ABCC4: variants seen among roughly 807,000 people sequenced by gnomAD.
The protein encoded by ABCC4 is ATP binding cassette subfamily C member 4 (PEL blood group).
A neutral mutation model predicts 168.5 loss-of-function variants in ABCC4; 102 were observed. That is an observed-to-expected ratio of 0.61 (90% CI 0.52 to 0.71). The LOEUF is 0.71. Ranked by LOEUF, ABCC4 falls within the 30% of genes least tolerant of loss-of-function variation. ABCC4 has a pLI of 0.00. For synonymous variants in ABCC4, 617 were observed against 590.7 expected, an observed-to-expected ratio of 1.04 and a Z score of -0.65; for missense variants, 1,402 against 1,605.8, an observed-to-expected ratio of 0.87 and a Z score of 2.17.
chr13:95,142,509 A>G (rs552112769), intron 19 of ABCC4, among the ~76,000 whole-genome samples: 3 of 152,282 alleles, frequency 2.0e-5, no homozygotes, highest in African/African-American at 7.2e-5. Context: ...GGGTGCACCA[A>G]AATCTCACAA....
chr13:95,166,367 C>A lies in ABCC4; in HGVS notation c.1825G>T (p.Gly609Cys). Residue 609 changes from glycine (G) to cysteine (C), a missense_variant and splice_region_variant, in exon 15 of 31, where the codon GGT becomes TGT. By Grantham distance (159) the Gly-to-Cys change is radical. This residue lies in a region of ABCC4 where 1,007 missense variants were observed against 1,127.3 expected (regional missense o/e 0.89). Transcript: ENST00000645237. ...TAAGTCCCCTTCTGCACCATTTTAC[C>A]CTAAAATAAAAATAAAGAATTTCAG... is the stretch of plus-strand genomic sequence containing the variant. ...AASQILILKDGKMVQKGTYTE... is the reference protein window; with the variant it reads ...AASQILILKDCKMVQKGTYTE... 1 of 1,609,406 alleles carries A rather than the reference C, an allele frequency of 6.2e-7. No homozygotes were observed. The highest frequency in any genetic ancestry group is 8.5e-7 in the Non-Finnish European group (1 of 1,178,402).
At chr13:95,117,372 C>T (rs192302894) in intron 19 of ABCC4, among the ~76,000 whole-genome samples, 411 of 152,236 alleles carry the variant, frequency 2.7e-3, no homozygotes, top group Middle Eastern at 0.021. Flanking sequence ...AGCATGCCAC[C>T]GGGGAGGAAG....
chr13:95,202,271 C>T (rs2038648180), intron 8 of ABCC4, among the ~76,000 whole-genome samples: 1 of 152,246 alleles, frequency 6.6e-6, no homozygotes, highest in African/African-American at 2.4e-5. Flanking sequence ...GCCAGCTGCC[C>T]TGCAGATTGC....
rs760295308 is a variant in ABCC4, at chr13:95,177,757, G to A, written c.1677C>T (p.Asp559=). ...VYQDADIYLL[D]DPLSAVDAEV... ...CCGCATCTACTGCACTGAGAGGATCGTCCAGGAGATAGATGTCAGCATCTT... is the reference window on the plus strand; with the variant it reads ...CCGCATCTACTGCACTGAGAGGATCATCCAGGAGATAGATGTCAGCATCTT... Residue 559 remains aspartate (D), a synonymous_variant, in exon 13 of 31, where the codon GAC becomes GAT. Transcript: ENST00000645237. The A allele has an allele frequency of 9.9e-6, 16 of 1,611,658 alleles. No individual in the cohort carries two copies. The highest frequency in any genetic ancestry group is 7.7e-5 in the South Asian group (7 of 91,028).
At chr13:95,291,081 T>C (rs2041393392) in intron 1 of ABCC4, among the ~76,000 whole-genome samples, 2 of 151,526 alleles carry the variant, frequency 1.3e-5, no homozygotes, top group Admixed American at 1.3e-4. Context: ...AGGCTGGGCA[T>C]GACGGTTCAC....
At chr13:95,208,109 C>A (rs367587669) in intron 6 of ABCC4, among the ~76,000 whole-genome samples, 184 bp from the exon 7 acceptor site, 4 of 152,142 alleles carry the variant, frequency 2.6e-5, no homozygotes, top group Admixed American at 6.5e-5. Flanking sequence ...ACAATCTATA[C>A]CAACTCAACA....
chr13:95,071,704 C>T lies in ABCC4; in HGVS notation c.3168G>A (p.Leu1056=), dbSNP rs2033729715. The change falls in exon 25 of 31, where the codon CTG becomes CTA. Residue 1056 remains leucine (L), a synonymous_variant. Transcript: ENST00000645237. ...TGAGTGCTGTCAGATGCTTCAGTAC[C>T]AGAGGCCCACCTGGACTGTACATGA... ...VNFMYSPGGP[L]VLKHLTALIK... is the part of the protein sequence containing the mutation. 3 of 1,548,350 alleles carry T rather than the reference C, an allele frequency of 1.9e-6. No homozygotes were observed. Among genetic ancestry groups the T allele is most frequent in the South Asian group, 1.3e-5 (1 of 78,824 alleles).
intron 19 of ABCC4, among the ~76,000 whole-genome samples, chr13:95,118,615 G>C (rs1345272040): frequency 6.6e-6 from 1 of 152,142 alleles, no homozygotes; most frequent in Non-Finnish European, 1.5e-5. Flanking sequence ...CAGTCTCACA[G>C]TCATTTTCCC....
At chr13:95,200,044 T>G (rs1206530613) in intron 8 of ABCC4, among the ~76,000 whole-genome samples, 2 of 152,154 alleles carry the variant, frequency 1.3e-5, no homozygotes, top group African/African-American at 4.8e-5. Context: ...CAATGACACA[T>G]GAGCACTGAT....
chr13:95,251,090 T>A (rs566542159), intron 1 of ABCC4, among the ~76,000 whole-genome samples: 1 of 152,136 alleles, frequency 6.6e-6, no homozygotes, highest in Admixed American at 6.5e-5. Context: ...GCTTGGCCAA[T>A]AGTGGTTTCT....
chr13:95,224,080 G>C (rs1185228087), intron 4 of ABCC4, among the ~76,000 whole-genome samples: 1 of 148,582 alleles, frequency 6.7e-6, no homozygotes, highest in East Asian at 2.0e-4. Flanking sequence ...ATAATAAAAA[G>C]AATCAAATCA....
chr13:95,278,759 G>A (rs1474073941), intron 1 of ABCC4, among the ~76,000 whole-genome samples: 5 of 123,660 alleles, frequency 4.0e-5, no homozygotes, highest in Admixed American at 2.1e-4. Flanking sequence ...AGCTATGATC[G>A]CACCACTTAT....
chr13:95,185,598 C>T (rs2038032362), intron 11 of ABCC4, among the ~76,000 whole-genome samples: 1 of 152,196 alleles, frequency 6.6e-6, no homozygotes, highest in Non-Finnish European at 1.5e-5. Context: ...CTTTTCCAGA[C>T]AGCATAAAAG....
At chr13:95,164,215 T>C (rs984520104) in intron 16 of ABCC4, among the ~76,000 whole-genome samples, 163 bp downstream of exon 16, 2 of 152,136 alleles carry the variant, frequency 1.3e-5, no homozygotes, top group African/African-American at 4.8e-5. Flanking sequence ...TCGCAGGTCT[T>C]TGTAACGGAC....
intron 1 of ABCC4, among the ~76,000 whole-genome samples, chr13:95,297,266 CAT>C (rs1438162293): frequency 3.9e-4 from 12 of 30,584 alleles, no homozygotes; most frequent in African/African-American, 7.6e-4. Flanking sequence ...AACTCTGTCT[CAT>C]AAAAAAAAAA....
At chr13:95,145,432 G>A (rs1484412960) in intron 19 of ABCC4, among the ~76,000 whole-genome samples, 1 of 150,532 alleles carries the variant, frequency 6.6e-6, no homozygotes, top group Non-Finnish European at 1.5e-5. Context: ...GCCTGTCTGG[G>A]TAACATGGTA....
chr13:95,291,857 G>GA (rs2138953801), intron 1 of ABCC4, among the ~76,000 whole-genome samples: 1 of 152,266 alleles, frequency 6.6e-6, no homozygotes, highest in South Asian at 2.1e-4. Flanking sequence ...TGAGGCACGA[G>GA]AATTGCTTGA....
intron 19 of ABCC4, among the ~76,000 whole-genome samples, chr13:95,131,901 A>G (rs1184455459): frequency 1.3e-5 from 2 of 152,170 alleles, no homozygotes; most frequent in Admixed American, 6.5e-5. Context: ...CAGGTCCCCA[A>G]ATTATGAAAC....
chr13:95,177,732 C>T lies in ABCC4; in HGVS notation c.1702G>A (p.Glu568Lys). The stretch of plus-strand genomic sequence containing the variant: ...AGTTCGAACAAGTGTCTGCTAACTT[C>T]CGCATCTACTGCACTGAGAGGATCG... ...LDDPLSAVDAEVSRHLFELCI... is the reference protein window; with the variant it reads ...LDDPLSAVDAKVSRHLFELCI... Residue 568 changes from glutamate to lysine, a missense_variant, in exon 13 of 31, where the codon GAA (glutamate) becomes AAA (lysine). Physicochemically the swap from Glu to Lys is moderately conservative, Grantham distance 56 (BLOSUM62 1). Transcript: ENST00000645237. 2.5e-6 allele frequency: 4 copies of T among 1,610,986 alleles called. No homozygotes were observed. The highest frequency in any genetic ancestry group is 1.1e-5 in the South Asian group (1 of 90,958).
Sources: gnomAD v4.1 joint callset for allele counts (sites outside exome capture counted in the v4.1 genomes callset) on GRCh38, gnomAD v4.1.1 for gene constraint, gnomAD v4.1.1 regional missense constraint, MANE v1.5 for transcripts, NCBI Gene and HGNC (gene_info 2026-07-23, HGNC 2026-07-21) for gene names.